Variants in SHTN1 observed in about 807,000 individuals in gnomAD.
The protein encoded by SHTN1 is shootin-1.
SHTN1 carries 42 observed loss-of-function variants against 83.1 expected under a neutral mutation model. That is an observed-to-expected ratio of 0.51 (90% CI 0.39 to 0.65). The LOEUF (loss-of-function observed/expected upper bound fraction) is 0.65. SHTN1 is among the 30% of genes least tolerant of loss of function. The pLI, the probability that SHTN1 is intolerant of heterozygous loss-of-function variation, is 0.00. For missense variants in SHTN1, 622 were observed against 737.8 expected (o/e 0.84, Z 1.82); for synonymous variants, 224 against 247.7 (o/e 0.90, Z 0.90).
intron 16 of SHTN1, among the ~76,000 whole-genome samples, chr10:116,892,956 A>C (rs550201040): frequency 4.5e-4 from 69 of 152,358 alleles, no homozygotes; most frequent in Non-Finnish European, 8.4e-4. Flanking sequence ...ATTTTATACA[A>C]AGTCTCTTAA....
At chr10:117,030,517 C>A (rs1428478741) in intron 2 of SHTN1, among the ~76,000 whole-genome samples, 2 of 151,936 alleles carry the variant, frequency 1.3e-5, no homozygotes, top group Non-Finnish European at 2.9e-5. Context: ...AAATAATGCA[C>A]CAGGAACCAA....
rs74729186 is a variant in SHTN1, at chr10:117,003,095, G to A, written c.58+1927C>T. On this transcript the variant is annotated intron_variant, in intron 1 of 16. Coordinates refer to ENST00000355371, the MANE Select transcript of SHTN1 (RefSeq NM_001127211.3). ...CCTTGATTATACAAGAAATGAAAGG[G>A]AAAATTTTTTTATGTTTATCATTAT... Among the ~76,000 whole-genome samples, 1,010 of 152,028 alleles carry A rather than the reference G, an allele frequency of 6.6e-3. 14 individuals are homozygous for A. Among genetic ancestry groups the A allele is most frequent in the African/African-American group, 0.024 (975 of 41,474 alleles).
intron 4 of SHTN1, among the ~76,000 whole-genome samples, chr10:116,954,981 C>CA (rs899868009): frequency 1.3e-5 from 2 of 151,706 alleles, no homozygotes; most frequent in Non-Finnish European, 2.9e-5. Flanking sequence ...GCTCCTGTCT[C>CA]AGAGATTCTA....
At chr10:117,107,950 C>G (rs1402612335) in intron 1 of SHTN1, among the ~76,000 whole-genome samples, 1 of 152,140 alleles carries the variant, frequency 6.6e-6, no homozygotes, top group African/African-American at 2.4e-5. Flanking sequence ...CTCAGCCTCC[C>G]AAAATGCTGG....
In SHTN1 at chr10:117,083,984, G is replaced by T. The variant is rs1200167252; in HGVS notation, c.-188-35474C>A. ...AAAGTTTTCAACTTCTTTGCCTTTG[G>T]TTTGAATGTCCTCCCATAGCTCAGA... On this transcript the variant is annotated intron_variant, in intron 1 of 17. Transcript: ENST00000392901. Among the ~76,000 whole-genome samples, 8 of 151,758 alleles carry T rather than the reference G, an allele frequency of 5.3e-5. No individual in the cohort carries two copies. In the East Asian group the frequency reaches 1.5e-3, roughly 29 times the overall value.
intron 1 of SHTN1, among the ~76,000 whole-genome samples, chr10:116,983,667 GATAGATAGATAGATAGATAAATACATAC>G (rs1267741607): frequency 1.5e-5 from 1 of 68,758 alleles, no homozygotes. Flanking sequence ...TAGATAGATA[GATAGATAGATAGATAGATAAATACATAC>G]ATACATACAT....
intron 2 of SHTN1, among the ~76,000 whole-genome samples, chr10:117,026,386 A>G (rs193191249): frequency 6.6e-6 from 1 of 151,316 alleles, no homozygotes; most frequent in East Asian, 2.0e-4. Context: ...TTTCAGTACC[A>G]GCTCAGCCAC....
At chr10:116,962,061 C>A (rs1850206139) in intron 3 of SHTN1, among the ~76,000 whole-genome samples, 1 of 112,684 alleles carries the variant, frequency 8.9e-6, no homozygotes, top group Non-Finnish European at 1.7e-5. Context: ...TTCCACATCA[C>A]CCCCCTTCTT....
chr10:117,106,920 T>A (rs979718206), intron 1 of SHTN1, among the ~76,000 whole-genome samples: 1 of 152,044 alleles, frequency 6.6e-6, no homozygotes, highest in African/African-American at 2.4e-5. Context: ...ATAAAAAAAA[T>A]AAGGGTATCT....
At chr10:117,043,376 A>T (rs1396347406) in intron 2 of SHTN1, among the ~76,000 whole-genome samples, 6 of 152,110 alleles carry the variant, frequency 3.9e-5, no homozygotes, top group African/African-American at 1.4e-4. Context: ...ATGGGTACAG[A>T]TATGTTAGTT....
chr10:117,012,819 C>T (rs1226411104), intron 2 of SHTN1, among the ~76,000 whole-genome samples: 1 of 152,154 alleles, frequency 6.6e-6, no homozygotes. Context: ...TTACAAATTA[C>T]ATATTAATTC....
intron 14 of SHTN1, among the ~76,000 whole-genome samples, chr10:116,910,347 G>A (rs886901202): frequency 5.3e-5 from 8 of 152,150 alleles, no homozygotes; most frequent in African/African-American, 1.9e-4. Flanking sequence ...ATAGATCCAA[G>A]GCAAGAAGGA....
At chr10:116,887,333 C>A (rs1320365362) in intron 16 of SHTN1, among the ~76,000 whole-genome samples, 1 of 152,176 alleles carries the variant, frequency 6.6e-6, no homozygotes, top group East Asian at 1.9e-4. Flanking sequence ...GAACAGATAT[C>A]TCTGAAACAC....
chr10:116,968,735 A>T (rs776624589), intron 2 of SHTN1, 23 bp from the exon 3 acceptor site: 103 of 1,581,794 alleles, frequency 6.5e-5, no homozygotes, highest in Middle Eastern at 3.3e-4. Context: ...AAGTAAACAA[A>T]TGTTAAACTT....
At chr10:116,942,770 G>A (rs1849431062) in intron 8 of SHTN1, among the ~76,000 whole-genome samples, 1 of 152,152 alleles carries the variant, frequency 6.6e-6, no homozygotes, top group Non-Finnish European at 1.5e-5. Flanking sequence ...TAAGGCTCTA[G>A]ACTATAAGCT....
chr10:117,094,588 C>G (rs945729406), intron 1 of SHTN1, among the ~76,000 whole-genome samples: 3 of 152,116 alleles, frequency 2.0e-5, no homozygotes, highest in African/African-American at 7.2e-5. Context: ...AGTATTTGTT[C>G]TAATTATTGC....
intron 2 of SHTN1, among the ~76,000 whole-genome samples, chr10:116,970,276 G>T (rs1261639300): frequency 6.6e-6 from 1 of 152,106 alleles, no homozygotes; most frequent in African/African-American, 2.4e-5. Context: ...ACTTCTAGGT[G>T]TATATACCCA....
intron 3 of SHTN1, among the ~76,000 whole-genome samples, chr10:116,963,047 T>G (rs990165237): frequency 0.066 from 607 of 9,176 alleles, 3 homozygotes; most frequent in Admixed American, 0.27. Flanking sequence ...TTTTTTTTTT[T>G]TTTTTTTTTT....
At chr10:117,097,298 G>A (rs1853517958) in intron 1 of SHTN1, among the ~76,000 whole-genome samples, 1 of 152,174 alleles carries the variant, frequency 6.6e-6, no homozygotes, top group Non-Finnish European at 1.5e-5. Context: ...GTCTTATTTG[G>A]TTGAAGTATA....
Sources: gnomAD v4.1 joint callset for allele counts (sites outside exome capture counted in the v4.1 genomes callset) on GRCh38, gnomAD v4.1.1 for gene constraint, MANE v1.5 for transcripts, NCBI Gene and HGNC (gene_info 2026-07-23, HGNC 2026-07-21) for gene names.